The following WDR25 variants were observed in gnomAD, a reference collection of about 807,000 sequenced individuals.
The protein encoded by WDR25 is WD repeat-containing protein 25.
A neutral mutation model predicts 47.7 loss-of-function variants in WDR25; 35 were observed. The observed-to-expected ratio is 0.73, with a 90% CI of 0.56 to 0.97. The LOEUF is 0.97. Among genes scored for constraint, WDR25 ranks in the 50% least tolerant of loss-of-function variants. The pLI, the probability that WDR25 is intolerant of heterozygous loss-of-function variation, is 0.00. For missense variants in WDR25, 634 were observed against 704.7 expected (o/e 0.90, Z 1.14); for synonymous variants, 248 against 278.9 (o/e 0.89, Z 1.10).
At chr14:100,494,084 G>T (rs1354080835) in intron 4 of WDR25, among the ~76,000 whole-genome samples, 4 of 152,070 alleles carry the variant, frequency 2.6e-5, no homozygotes, top group African/African-American at 9.7e-5. Flanking sequence ...TTGGAGACAG[G>T]GTCTCACACT....
At chr14:100,437,912 C>G (rs1310260233) in intron 2 of WDR25, among the ~76,000 whole-genome samples, 2 of 152,122 alleles carry the variant, frequency 1.3e-5, no homozygotes, top group African/African-American at 4.8e-5. Flanking sequence ...TCTGTCCTTG[C>G]CTTCTCATCC....
intron 2 of WDR25, among the ~76,000 whole-genome samples, chr14:100,438,453 C>T (rs1898566643): frequency 6.6e-6 from 1 of 152,236 alleles, no homozygotes; most frequent in Non-Finnish European, 1.5e-5. Context: ...GCCCTCTGTG[C>T]TCCTGCCATT....
chr14:100,453,122 A>T (rs898407806), intron 2 of WDR25, among the ~76,000 whole-genome samples: 13 of 152,128 alleles, frequency 8.5e-5, no homozygotes, highest in African/African-American at 3.1e-4. Context: ...GGAGACAGGG[A>T]TTCAGTGGGG....
intron 2 of WDR25, among the ~76,000 whole-genome samples, chr14:100,467,290 GCGAGCC>G (rs1473485003): frequency 3.2e-4 from 48 of 151,998 alleles, no homozygotes; most frequent in Admixed American, 7.2e-4. Context: ...AGGGATGCAG[GCGAGCC>G]TGGGATAAGA....
chr14:100,440,085 G>A lies in WDR25; in HGVS notation c.823-27936G>A, dbSNP rs1898623224. On this transcript the variant is annotated intron_variant, in intron 2 of 6. Transcript: ENST00000402312. The surrounding 1 kb of genome is among the most constrained non-coding windows in gnomAD (Gnocchi z 4.4). ...CCCTAAAAGCAGCATAGTCATTTTC[G>A]AGTCACTCTCTGATAAAGATAGAAC... Among the ~76,000 whole-genome samples the A allele has an allele frequency of 6.6e-6, 1 of 152,142 alleles. No individual in the cohort carries two copies. The highest frequency in any genetic ancestry group is 2.4e-5 in the African/African-American group (1 of 41,416).
At chr14:100,443,918 A>G (rs986843874) in intron 2 of WDR25, among the ~76,000 whole-genome samples, 2 of 152,138 alleles carry the variant, frequency 1.3e-5, no homozygotes, top group African/African-American at 2.4e-5. Flanking sequence ...GCTCCCTGCA[A>G]CCTTGAGGAG....
At chr14:100,399,390 C>T (rs558325622) in intron 2 of WDR25, among the ~76,000 whole-genome samples, 3 of 152,130 alleles carry the variant, frequency 2.0e-5, no homozygotes, top group African/African-American at 7.2e-5. Context: ...CCTTCTCTTG[C>T]ATTTCCCCCC....
chr14:100,438,613 C>T lies in WDR25; in HGVS notation c.823-29408C>T, dbSNP rs549845321. 5.9e-5 allele frequency among the ~76,000 whole-genome samples: 9 copies of T among 152,266 alleles called. No individual in the cohort carries two copies. The South Asian group carries it at 1.7e-3, about 28-fold the overall frequency. ...GAGCTGAGCCAGAGGAGGTTTTGCC[C>T]CATGCTCACGATCATTCAGCTGGCA... On this transcript the variant is annotated intron_variant, in intron 2 of 6. Transcript: ENST00000402312.
At chr14:100,442,830 T>C (rs937083320) in intron 2 of WDR25, among the ~76,000 whole-genome samples, 7 of 152,240 alleles carry the variant, frequency 4.6e-5, no homozygotes, top group Admixed American at 1.3e-4. Flanking sequence ...AATAGAAGCA[T>C]AAATGGAGGC....
intron 4 of WDR25, among the ~76,000 whole-genome samples, chr14:100,494,719 A>G (rs1021388932): frequency 2.0e-5 from 3 of 152,234 alleles, no homozygotes; most frequent in Non-Finnish European, 4.4e-5. Context: ...TCCTCCACAT[A>G]GAAGGCTAGA....
intron 2 of WDR25, among the ~76,000 whole-genome samples, chr14:100,418,449 C>T (rs1255178056): frequency 5.3e-5 from 8 of 151,362 alleles, no homozygotes; most frequent in East Asian, 2.0e-4. Flanking sequence ...CTGGCCAACA[C>T]GGTGAAACCC....
intron 2 of WDR25, chr14:100,454,865 T>C: frequency 5.8e-6 from 1 of 172,724 alleles, no homozygotes; most frequent in Non-Finnish European, 1.2e-5. Flanking sequence ...TTTCTGCTGC[T>C]GCACACCGCA....
At position 100,401,210 on chromosome 14, in the gene WDR25, C is replaced by T. The variant is rs1191466446; in HGVS notation, c.822+19464C>T. 2.0e-5 allele frequency among the ~76,000 whole-genome samples: 3 copies of T among 152,198 alleles called. No individual in the cohort carries two copies. In the East Asian group the frequency reaches 5.8e-4, roughly 29 times the overall value. ...GTTCCTGGGGCGGGAGAGACCTCCC[C>T]CTCCCCGTGGCTGCAGCCTCTGCCC... On this transcript the variant is annotated intron_variant, in intron 2 of 6. Coordinates refer to ENST00000402312, the MANE Select transcript of WDR25 (RefSeq NM_001161476.3).
intron 4 of WDR25, among the ~76,000 whole-genome samples, chr14:100,515,766 C>T (rs956691426): frequency 1.3e-5 from 2 of 149,802 alleles, no homozygotes; most frequent in African/African-American, 4.9e-5. Context: ...GCTGGAATTA[C>T]AGGCGCATGC....
Position 100,530,278 on chromosome 14 carries a change from T to C in WDR25, c.*237T>C. The C allele has an allele frequency of 1.8e-6, 1 of 552,994 alleles. No individual in the cohort carries two copies. Among genetic ancestry groups the C allele is most frequent in the Non-Finnish European group, 3.2e-6 (1 of 312,736 alleles). 34.3% of individuals were successfully genotyped at this position (552,994 alleles called of 1,614,324 possible). On this transcript the variant is annotated 3_prime_UTR_variant, in exon 7 of 7. Transcript: ENST00000402312. ...GGCGATGCCCAATAAATGTGTGTTT[T>C]GCTGTTTGTTAAGTGATTTCAGCAA...
chr14:100,491,065 A>T (rs931837702), intron 4 of WDR25, among the ~76,000 whole-genome samples: 5 of 152,092 alleles, frequency 3.3e-5, no homozygotes, highest in African/African-American at 4.8e-5. Flanking sequence ...GACGTGGTGG[A>T]GCCCCTGATG....
chr14:100,380,983 C>CG lies in WDR25; in HGVS notation c.61dup (p.Glu21GlyfsTer3). 6.2e-7 allele frequency: 1 copy of CG among 1,614,168 alleles called. No homozygotes were observed. Among genetic ancestry groups the CG allele is most frequent in the Non-Finnish European group, 8.5e-7 (1 of 1,180,030 alleles). ...TTGGTAGCGTATGATGATTCGGACT[C>CG]GGAGGCTGAGACAGAGCATGCAGGA... On this transcript the variant is annotated frameshift_variant, in exon 2 of 7. Transcript: ENST00000402312. LOFTEE classifies it high-confidence loss of function.
In WDR25 at chr14:100,529,782, AG is replaced by A; in HGVS notation, c.1414-36del. ...ATGGGCATACTCACCCCGGCTTGAC[AG>A]GTGCGGCTTGCTCACCCACTGTGTC... On this transcript the variant is annotated intron_variant, in intron 6 of 6. Transcript: ENST00000402312. The surrounding 1 kb of genome is among the most constrained non-coding windows in gnomAD (Gnocchi z 5.1). 1.1e-5 allele frequency: 17 copies of A among 1,595,024 alleles called. No individual in the cohort carries two copies. The highest frequency in any genetic ancestry group is 1.5e-5 in the Non-Finnish European group (17 of 1,170,102).
intron 4 of WDR25, among the ~76,000 whole-genome samples, chr14:100,520,745 G>A (rs2029868931): frequency 6.6e-6 from 1 of 152,192 alleles, no homozygotes; most frequent in Non-Finnish European, 1.5e-5. Flanking sequence ...GGCTGGGGAG[G>A]AGAAGGTTTA....
Sources: allele counts gnomAD v4.1 joint callset (sites outside exome capture counted in the v4.1 genomes callset), GRCh38; gene constraint gnomAD v4.1.1; non-coding constraint Gnocchi (gnomAD v3.1); transcripts MANE v1.5; gene names NCBI Gene and HGNC (gene_info 2026-07-23, HGNC 2026-07-21).